The following COLEC10 variants were observed in gnomAD, a reference collection of about 807,000 sequenced individuals.
The protein encoded by COLEC10 is collectin-10.
In COLEC10, 22 loss-of-function variants were observed where a neutral mutation model predicts 28.4. The observed-to-expected ratio is 0.78, with a 90% CI of 0.55 to 1.11. The LOEUF is 1.11. Ranked by LOEUF, COLEC10 falls within the 50% of genes least tolerant of loss-of-function variation. The pLI is 0.00. For missense variants in COLEC10, 361 were observed against 344.1 expected (o/e 1.05, Z -0.39); for synonymous variants, 125 against 116.1 (o/e 1.08, Z -0.49).
rs142682850 is a variant in COLEC10 at position 119,097,874 on chromosome 8, T to A, written c.293-4474T>A. 4.6e-3 allele frequency among the ~76,000 whole-genome samples: 696 copies of A among 152,172 alleles called. 8 individuals are homozygous for A. The highest frequency in any genetic ancestry group is 6.3e-3 in the Non-Finnish European group (431 of 67,956). On this transcript the variant is annotated intron_variant, in intron 3 of 5. Coordinates refer to ENST00000332843, the MANE Select transcript of COLEC10 (RefSeq NM_006438.5). ...GTCCAGAATTGAAGAACTTTTTTTT[T>A]TTAGATAAGTAACATTTTTTAATTG... is the stretch of plus-strand genomic sequence containing the variant.
the COLEC10 span, among the ~76,000 whole-genome samples, chr8:118,954,528 A>C: frequency 6.6e-6 from 1 of 152,248 alleles, no homozygotes. Context: ...GGAAGACTAC[A>C]TTCATCTTCC....
At chr8:119,001,151 GA>G (rs1406081091) in intron 1 of COLEC10, among the ~76,000 whole-genome samples, 1 of 152,148 alleles carries the variant, frequency 6.6e-6, no homozygotes, top group Non-Finnish European at 1.5e-5. Flanking sequence ...TGATGATATT[GA>G]GGATGCTAAT....
intron 2 of COLEC10, among the ~76,000 whole-genome samples, chr8:119,056,598 A>G (rs936104308): frequency 6.6e-6 from 1 of 151,968 alleles, no homozygotes; most frequent in Non-Finnish European, 1.5e-5. Context: ...CTATGTCATG[A>G]TTATCTGTGT....
At chr8:119,068,846 T>A (rs1815027349) in intron 1 of COLEC10, 1 of 152,004 alleles carries the variant, frequency 6.6e-6, no homozygotes, top group Admixed American at 6.6e-5. Context: ...TAGAACTAAG[T>A]CTGTTATGTT....
At chr8:119,026,569 C>T (rs1814194912) in intron 2 of COLEC10, among the ~76,000 whole-genome samples, 1 of 152,106 alleles carries the variant, frequency 6.6e-6, no homozygotes, top group Admixed American at 6.5e-5. Context: ...TCTATACAAT[C>T]AGTACATCTG....
upstream of COLEC10, among the ~76,000 whole-genome samples, chr8:119,066,264 A>G (rs965082309): frequency 3.3e-5 from 5 of 152,144 alleles, no homozygotes; most frequent in Non-Finnish European, 7.3e-5. Flanking sequence ...TCTCCAATAT[A>G]TGTGATTCTG....
intron 2 of COLEC10, among the ~76,000 whole-genome samples, chr8:119,047,082 C>A (rs186805726): frequency 6.6e-6 from 1 of 152,292 alleles, no homozygotes; most frequent in East Asian, 1.9e-4. Context: ...GCACTTCTAC[C>A]TTGAACTCTA....
At chr8:118,999,050 C>T (rs1461543261) in intron 1 of COLEC10, among the ~76,000 whole-genome samples, 3 of 152,002 alleles carry the variant, frequency 2.0e-5, no homozygotes, top group East Asian at 1.9e-4. Context: ...AGTAATGTTA[C>T]CAATAGAGAC....
intron 2 of COLEC10, among the ~76,000 whole-genome samples, chr8:119,051,417 A>G (rs533571880): frequency 6.6e-6 from 1 of 152,316 alleles, no homozygotes; most frequent in East Asian, 1.9e-4. Context: ...TTTTAAAGTG[A>G]AGGTTTTTAT....
At chr8:119,053,485 G>C (rs1270749062) in intron 2 of COLEC10, among the ~76,000 whole-genome samples, 1 of 151,614 alleles carries the variant, frequency 6.6e-6, no homozygotes, top group East Asian at 2.0e-4. Flanking sequence ...AACATACACA[G>C]TGTGAAGGAT....
At chr8:119,019,546 G>A (rs4403441) in intron 2 of COLEC10, among the ~76,000 whole-genome samples, 88,643 of 151,826 alleles carry the variant, frequency 0.58, 26,566 homozygotes, top group African/African-American at 0.72. Context: ...ATTTTTCCCC[G>A]ATTGTCCACA....
At chr8:118,969,963 C>T in the COLEC10 span, among the ~76,000 whole-genome samples, 1 of 151,936 alleles carries the variant, frequency 6.6e-6, no homozygotes, top group Admixed American at 6.6e-5. Flanking sequence ...ACCCTCATTT[C>T]AGCATTTGGG....
the COLEC10 span, among the ~76,000 whole-genome samples, chr8:118,961,673 T>C: frequency 6.6e-6 from 1 of 152,214 alleles, no homozygotes; most frequent in African/African-American, 2.4e-5. Flanking sequence ...TCCTACCTTT[T>C]CTGGCCAGCT....
intron 2 of COLEC10, among the ~76,000 whole-genome samples, chr8:119,053,053 T>G (rs1814701422): frequency 6.6e-6 from 1 of 152,124 alleles, no homozygotes; most frequent in African/African-American, 2.4e-5. Context: ...TAGAGAATTC[T>G]GATGAGCAGG....
intron 2 of COLEC10, among the ~76,000 whole-genome samples, chr8:119,026,140 T>G (rs1162006980): frequency 3.3e-5 from 5 of 152,244 alleles, no homozygotes. Flanking sequence ...ATGACTATCC[T>G]GTATCATGAA....
At chr8:118,997,268 T>C (rs758691270) in intron 1 of COLEC10, among the ~76,000 whole-genome samples, 47 of 152,176 alleles carry the variant, frequency 3.1e-4, no homozygotes, top group Non-Finnish European at 5.9e-4. Flanking sequence ...ATATTTTCAC[T>C]CTGTTGATTG....
chr8:119,057,024 T>A (rs377320075), intron 2 of COLEC10, among the ~76,000 whole-genome samples: 68 of 152,104 alleles, frequency 4.5e-4, no homozygotes, highest in African/African-American at 1.5e-3. Flanking sequence ...TTTACTTGGA[T>A]AACTGACAAG....
upstream of COLEC10, among the ~76,000 whole-genome samples, chr8:118,994,188 CT>C (rs1410037908): frequency 6.6e-6 from 1 of 152,144 alleles, no homozygotes; most frequent in Non-Finnish European, 1.5e-5. Flanking sequence ...CCTCTTGTAG[CT>C]GGAAGATGCC....
At chr8:119,102,296 T>C in intron 3 of COLEC10, 52 bp from the exon 4 acceptor site, 3 of 1,284,696 alleles carry the variant, frequency 2.3e-6, no homozygotes, top group Non-Finnish European at 3.3e-6. Flanking sequence ...TTTTTTCCTT[T>C]CTTCTTTTAT....
Sources: gnomAD v4.1 joint callset for allele counts (sites outside exome capture counted in the v4.1 genomes callset) on GRCh38, gnomAD v4.1.1 for gene constraint, MANE v1.5 for transcripts, NCBI Gene and HGNC (gene_info 2026-07-23, HGNC 2026-07-21) for gene names.